The following UBE2W variants were observed in gnomAD, a reference collection of about 807,000 sequenced individuals.
UBE2W encodes ubiquitin-conjugating enzyme E2 W.
In UBE2W, 18 loss-of-function variants were observed where a neutral mutation model predicts 27.2. That is an observed-to-expected ratio of 0.66 (90% confidence interval 0.46 to 0.98). The LOEUF (loss-of-function observed/expected upper bound fraction) is 0.98, where lower values mean the gene tolerates loss of function less well. Ranked by LOEUF, UBE2W falls within the 50% of genes least tolerant of loss-of-function variation. The pLI, the probability that UBE2W is intolerant of heterozygous loss-of-function variation, is 0.00. For missense variants in UBE2W, 90 were observed against 180.2 expected (o/e 0.50, Z 2.87); for synonymous variants, 53 against 57.2 (o/e 0.93, Z 0.33).
chr8:73,847,940 G>A (rs1032754899), intron 1 of UBE2W, among the ~76,000 whole-genome samples: 3 of 149,722 alleles, frequency 2.0e-5, no homozygotes, highest in Non-Finnish European at 4.4e-5. Context: ...CATGGCTCAT[G>A]CCTGTAATCC....
At chr8:73,848,866 T>C (rs898356753) in intron 1 of UBE2W, among the ~76,000 whole-genome samples, 8 of 152,172 alleles carry the variant, frequency 5.3e-5, no homozygotes, top group Non-Finnish European at 1.0e-4. Flanking sequence ...ACATGTAGAT[T>C]TGTGCATTTT....
rs3739348 is a variant in UBE2W at position 73,787,362 on chromosome 8, G to A, written c.*6740C>T. The A allele has an allele frequency of 0.025, 25,082 of 985,130 alleles. 4,318 individuals are homozygous for A. The African/African-American group carries it at 0.38, about 15-fold the overall frequency. 61.0% of individuals were successfully genotyped at this position (985,130 alleles called of 1,614,324 possible). On this transcript the variant is annotated 3_prime_UTR_variant, in exon 6 of 6. Transcript: ENST00000602593. ...GACATAAACAGAGTCACTTATCCAG[G>A]GTAGCTTAAACTAATGGAGAAAAGT...
At chr8:73,827,090 A>G (rs1037584026) in intron 2 of UBE2W, among the ~76,000 whole-genome samples, 1 of 152,248 alleles carries the variant, frequency 6.6e-6, no homozygotes. Context: ...TAACCTATAC[A>G]AACAAGCACA....
rs569924658 is a variant in UBE2W, at chr8:73,876,378, T to C, written c.15+2430A>G. Among the ~76,000 whole-genome samples the C allele has an allele frequency of 3.3e-5, 5 of 152,208 alleles. No homozygotes were observed. The South Asian group carries it at 6.2e-4, about 19-fold the overall frequency. ...CAGAATAACCACACAGAAAGTAGGGTTGTCTTTCAAAAAGCTTGACATATA... is the reference window on the plus strand; with the variant it reads ...CAGAATAACCACACAGAAAGTAGGGCTGTCTTTCAAAAAGCTTGACATATA... On this transcript the variant is annotated intron_variant, in intron 1 of 5. Coordinates refer to ENST00000602593, the MANE Select transcript of UBE2W (RefSeq NM_018299.6).
intron 1 of UBE2W, among the ~76,000 whole-genome samples, chr8:73,840,830 G>C (rs1810507754): frequency 6.6e-6 from 1 of 152,114 alleles, no homozygotes; most frequent in Non-Finnish European, 1.5e-5. Flanking sequence ...TTGTTTCAAG[G>C]CTCTACTGTA....
chr8:73,842,097 G>A (rs1467693557), intron 1 of UBE2W, among the ~76,000 whole-genome samples: 1 of 152,052 alleles, frequency 6.6e-6, no homozygotes, highest in Admixed American at 6.5e-5. Context: ...GTCCTTTGAG[G>A]CAACAATTTC....
Position 73,788,468 on chromosome 8 carries a change from C to CAACCCAAT in UBE2W, c.*5626_*5633dup. 5.1e-6 allele frequency: 5 copies of CAACCCAAT among 985,420 alleles called. No individual in the cohort carries two copies. The highest frequency in any genetic ancestry group is 6.0e-6 in the Non-Finnish European group (5 of 829,928). The allele number at this position is 985,420 out of a possible 1,614,324, so 61.0% of individuals were successfully genotyped here. A position where few individuals can be genotyped will look rare whatever the true frequency, so the allele number is the denominator to read the frequency against. ...ATGCATTTAGTTTTTGGCTACTAAT[C>CAACCCAAT]AACCCAATAATCCATTTTACCTTGA... On this transcript the variant is annotated 3_prime_UTR_variant, in exon 6 of 6. Transcript: ENST00000602593.
At chr8:73,867,365 T>C (rs1214336328) in intron 1 of UBE2W, among the ~76,000 whole-genome samples, 2 of 151,868 alleles carry the variant, frequency 1.3e-5, no homozygotes, top group Non-Finnish European at 2.9e-5. Context: ...TGAAACCCCA[T>C]CTCTACTAAA....
chr8:73,851,854 G>C (rs1811092955), intron 1 of UBE2W, among the ~76,000 whole-genome samples: 1 of 99,680 alleles, frequency 1.0e-5, no homozygotes, highest in Non-Finnish European at 1.8e-5. Context: ...GAAGAAGCTA[G>C]GCATGGTGGC....
At chr8:73,781,143 G>C (rs1420690743) in intron 4 of UBE2W, among the ~76,000 whole-genome samples, 1 of 151,608 alleles carries the variant, frequency 6.6e-6, no homozygotes, top group Non-Finnish European at 1.5e-5. Context: ...GGTGGCATGC[G>C]CCTGTAATCC....
At chr8:73,804,943 G>A (rs1008228590) in intron 5 of UBE2W, among the ~76,000 whole-genome samples, 29 of 151,624 alleles carry the variant, frequency 1.9e-4, no homozygotes, top group African/African-American at 6.5e-4. Flanking sequence ...AGCTAGTCTT[G>A]AACTCCTGAC....
intron 1 of UBE2W, among the ~76,000 whole-genome samples, chr8:73,836,495 C>A (rs780768005): frequency 6.6e-6 from 1 of 152,180 alleles, no homozygotes; most frequent in African/African-American, 2.4e-5. Flanking sequence ...AACAACAGTT[C>A]ATTAGACAGG....
chr8:73,805,827 C>A, intron 4 of UBE2W, 101 bp from the exon 5 acceptor site: 2 of 592,856 alleles, frequency 3.4e-6, no homozygotes, highest in East Asian at 2.9e-5. Flanking sequence ...GCATAAAAAA[C>A]AATATAAACA....
intron 3 of UBE2W, among the ~76,000 whole-genome samples, chr8:73,821,546 A>AGT (rs56856766): frequency 0.11 from 872 of 8,304 alleles, 78 homozygotes; most frequent in African/African-American, 0.2. Context: ...GGGGTGTGGG[A>AGT]GTGTGTGTGT....
At chr8:73,854,046 G>C (rs1055479111) in intron 1 of UBE2W, among the ~76,000 whole-genome samples, 4 of 152,246 alleles carry the variant, frequency 2.6e-5, no homozygotes, top group Middle Eastern at 3.4e-3. Flanking sequence ...CTACTCAGGA[G>C]GCTGAGGAGG....
chr8:73,851,934 T>A, intron 1 of UBE2W, among the ~76,000 whole-genome samples: 1 of 128,272 alleles, frequency 7.8e-6, no homozygotes, highest in African/African-American at 3.1e-5. Flanking sequence ...GGCAACACAG[T>A]AAGACCCAGT....
chr8:73,832,433 T>G lies in UBE2W; in HGVS notation c.16-1961A>C, dbSNP rs376119678. Among the ~76,000 whole-genome samples, 52 of 152,360 alleles carry G rather than the reference T, an allele frequency of 3.4e-4. No individual in the cohort carries two copies. The South Asian group carries it at 0.011, about 31-fold the overall frequency. On this transcript the variant is annotated intron_variant, in intron 1 of 5. Coordinates refer to ENST00000602593, the MANE Select transcript of UBE2W (RefSeq NM_018299.6). ...TCTTCAATGGGATACGTGTATTTTA[T>G]TAACTGCTTGACCAGTAAGTTTTGC...
rs762576998 is a variant in UBE2W, at chr8:73,878,797, A to G, written c.15+11T>C. On this transcript the variant is annotated intron_variant, in intron 1 of 5. Transcript: ENST00000602593. ...TCCCTGGCCCGCCCAGATGCAGCAA[A>G]CTCCTCTCACCTGCATTGACGCCAT... The G allele has an allele frequency of 3.2e-5, 50 of 1,548,604 alleles. No homozygotes were observed. Among genetic ancestry groups the G allele is most frequent in the Non-Finnish European group, 4.2e-5 (48 of 1,145,328 alleles).
At chr8:73,873,590 A>G (rs1351958759) in intron 1 of UBE2W, among the ~76,000 whole-genome samples, 1 of 152,200 alleles carries the variant, frequency 6.6e-6, no homozygotes, top group Non-Finnish European at 1.5e-5. Context: ...TGGGAGGACA[A>G]GGGTGCAGTG....
Sources: allele counts gnomAD v4.1 joint callset (sites outside exome capture counted in the v4.1 genomes callset), GRCh38; gene constraint gnomAD v4.1.1; transcripts MANE v1.5; gene names NCBI Gene and HGNC (gene_info 2026-07-23, HGNC 2026-07-21).